CNKSR2: variants seen among roughly 807,000 people sequenced by gnomAD.
CNKSR2 encodes connector enhancer of kinase suppressor of Ras 2.
Under a neutral mutation model 84.4 loss-of-function variants are expected in CNKSR2, and 14 were observed. That is an observed-to-expected ratio of 0.17 (90% confidence interval 0.11 to 0.26). The LOEUF is 0.26. Among genes scored for constraint, CNKSR2 ranks in the 10% least tolerant of loss-of-function variants. The probability of loss-of-function intolerance (pLI) is 1.00; values close to 1 mark genes in which losing one functional copy is unlikely to be tolerated. For missense variants in CNKSR2, 485 were observed against 771.2 expected (o/e 0.63, Z 4.40); for synonymous variants, 275 against 277.9 (o/e 0.99, Z 0.10).
intron 13 of CNKSR2, among the ~76,000 whole-genome samples, chrX:21,566,604 A>G (rs967033448): frequency 9.8e-5 from 11 of 111,970 alleles, no homozygotes; most frequent in African/African-American, 3.2e-4. Context: ...ATAGGCTTCT[A>G]TCTCTGCCGT....
intron 7 of CNKSR2, among the ~76,000 whole-genome samples, chrX:21,500,559 T>C (rs772906687): frequency 4.5e-5 from 5 of 111,110 alleles, no homozygotes; most frequent in African/African-American, 1.6e-4. Flanking sequence ...TTTCTATATA[T>C]TCAAAAGCAT....
intron 1 of CNKSR2, among the ~76,000 whole-genome samples, chrX:21,401,565 A>T (rs1813545376): frequency 8.9e-6 from 1 of 111,915 alleles, no homozygotes; most frequent in African/African-American, 3.2e-5. Flanking sequence ...ATGTGTATAC[A>T]TGTGCACCTA....
chrX:21,377,866 A>G (rs2089841299), intron 1 of CNKSR2, among the ~76,000 whole-genome samples: 1 of 111,633 alleles, frequency 9.0e-6, no homozygotes, highest in African/African-American at 3.3e-5. Context: ...AAGATTATTT[A>G]TGAGGGACAA....
At chrX:21,459,302 G>A (rs184148239) in intron 4 of CNKSR2, among the ~76,000 whole-genome samples, 37 of 112,177 alleles carry the variant, frequency 3.3e-4, no homozygotes, top group Middle Eastern at 4.6e-3. Flanking sequence ...GGGATTACAG[G>A]CGTGAGCCAC....
intron 13 of CNKSR2, among the ~76,000 whole-genome samples, chrX:21,576,169 T>C (rs2147219527): frequency 8.9e-6 from 1 of 112,437 alleles, no homozygotes; most frequent in African/African-American, 3.2e-5. Flanking sequence ...AGAAGTTATC[T>C]TCAGTCATAA....
intron 21 of CNKSR2, 31 bp downstream of exon 21, chrX:21,649,058 T>G: frequency 5.8e-6 from 6 of 1,038,491 alleles, no homozygotes; most frequent in Non-Finnish European, 8.0e-6. Flanking sequence ...ACAAATTTCT[T>G]TGAAGAGATT....
At chrX:21,506,639 A>G (rs909466596) in intron 8 of CNKSR2, 7 of 111,714 alleles carry the variant, frequency 6.3e-5, no homozygotes, top group African/African-American at 2.3e-4. Flanking sequence ...ATTGTATGAT[A>G]TCTCAATAAT....
At chrX:21,431,024 A>G (rs2090627677) in intron 2 of CNKSR2, among the ~76,000 whole-genome samples, 1 of 112,179 alleles carries the variant, frequency 8.9e-6, no homozygotes, top group Non-Finnish European at 1.9e-5. Context: ...TTTAATAAAT[A>G]TGTAAATTCC....
intron 9 of CNKSR2, among the ~76,000 whole-genome samples, chrX:21,525,251 T>C (rs2091823842): frequency 9.0e-6 from 1 of 111,174 alleles, no homozygotes; most frequent in African/African-American, 3.3e-5. Flanking sequence ...TATGATTACC[T>C]GTATAATCTC....
intron 8 of CNKSR2, among the ~76,000 whole-genome samples, chrX:21,506,976 A>AC (rs1157315233): frequency 1.0e-5 from 1 of 99,499 alleles, no homozygotes; most frequent in Non-Finnish European, 2.0e-5. Flanking sequence ...ATCCTCAGTC[A>AC]CCCCCCACCC....
chrX:21,548,316 C>G (rs183265209), intron 11 of CNKSR2, among the ~76,000 whole-genome samples: 1 of 111,838 alleles, frequency 8.9e-6, no homozygotes, highest in Admixed American at 9.5e-5. Flanking sequence ...ACTAGAAAAT[C>G]TAGAAGAAAT....
intron 4 of CNKSR2, among the ~76,000 whole-genome samples, chrX:21,455,254 C>T (rs2090982419): frequency 9.0e-6 from 1 of 111,181 alleles, no homozygotes; most frequent in Admixed American, 9.6e-5. Context: ...TTTTTGGCAT[C>T]GATAATGTTC....
intron 13 of CNKSR2, among the ~76,000 whole-genome samples, chrX:21,576,889 A>C (rs1266362758): frequency 9.0e-6 from 1 of 111,397 alleles, no homozygotes; most frequent in Non-Finnish European, 1.9e-5. Flanking sequence ...TTTAAAACAA[A>C]AGAAGCAAAA....
chrX:21,565,069 A>G (rs2092226412), intron 13 of CNKSR2, among the ~76,000 whole-genome samples: 1 of 111,522 alleles, frequency 9.0e-6, no homozygotes, highest in African/African-American at 3.3e-5. Flanking sequence ...CAAAAGTTTG[A>G]AGATGAGGGA....
At chrX:21,408,044 A>G (rs2090287777) in intron 1 of CNKSR2, among the ~76,000 whole-genome samples, 1 of 111,679 alleles carries the variant, frequency 9.0e-6, no homozygotes, top group South Asian at 3.7e-4. Flanking sequence ...TATCATGAGT[A>G]GTGAACTGTT....
chrX:21,636,226 T>C (rs1425957178), intron 20 of CNKSR2, among the ~76,000 whole-genome samples: 1 of 111,262 alleles, frequency 9.0e-6, no homozygotes, highest in Admixed American at 9.6e-5. Flanking sequence ...TCATCCAGGC[T>C]GAATAAAATC....
At chrX:21,410,143 C>T (rs1233197270) in intron 1 of CNKSR2, among the ~76,000 whole-genome samples, 2 of 109,070 alleles carry the variant, frequency 1.8e-5, no homozygotes, top group African/African-American at 6.7e-5. Flanking sequence ...TTGCCTTTGA[C>T]AAGTGTTGCT....
At chrX:21,564,410 G>A (rs749363278) in intron 13 of CNKSR2, among the ~76,000 whole-genome samples, 58 of 111,615 alleles carry the variant, frequency 5.2e-4, no homozygotes, top group Non-Finnish European at 7.9e-4. Flanking sequence ...GATAATGGCC[G>A]TGTGGAAGCT....
chrX:21,407,360 T>C (rs993809855), intron 1 of CNKSR2, among the ~76,000 whole-genome samples: 3 of 111,766 alleles, frequency 2.7e-5, no homozygotes, highest in African/African-American at 9.7e-5. Flanking sequence ...ATAGATGCCA[T>C]AGTAGAACCT....
Sources: gnomAD v4.1 joint callset for allele counts (sites outside exome capture counted in the v4.1 genomes callset) on GRCh38, gnomAD v4.1.1 for gene constraint, MANE v1.5 for transcripts, NCBI Gene and HGNC (gene_info 2026-07-23, HGNC 2026-07-21) for gene names.